The following GLI3 variants were observed in gnomAD, a reference collection of about 807,000 sequenced individuals.
GLI3 encodes the protein GLI family zinc finger 3, also known as transcription activator GLI3.
A neutral mutation model predicts 100.8 loss-of-function variants in GLI3; 20 were observed. That is an observed-to-expected ratio of 0.20 (90% confidence interval 0.14 to 0.29). The LOEUF (loss-of-function observed/expected upper bound fraction) is 0.29. Ranked by LOEUF, GLI3 falls within the 10% of genes least tolerant of loss-of-function variation. The probability of loss-of-function intolerance (pLI) is 1.00; values close to 1 mark genes in which losing one functional copy is unlikely to be tolerated. For missense variants in GLI3, 2,040 were observed against 2,128.5 expected (o/e 0.96, Z 0.82); for synonymous variants, 938 against 860.5 (o/e 1.09, Z -1.58).
intron 2 of GLI3, among the ~76,000 whole-genome samples, chr7:42,198,769 CAT>C (rs1487272961): frequency 6.6e-6 from 1 of 151,894 alleles, no homozygotes; most frequent in Non-Finnish European, 1.5e-5. Flanking sequence ...CACACACACA[CAT>C]ACACACACAC....
Position 41,964,454 on chromosome 7 carries a change from G to T in GLI3, c.4619C>A (p.Thr1540Lys), listed in dbSNP as rs748031460. 6 of 1,614,076 alleles carry T rather than the reference G, an allele frequency of 3.7e-6. No individual in the cohort carries two copies. In the African/African-American group the frequency reaches 8.0e-5, roughly 22 times the overall value. ...NLSHSSSRLT[T>K]PRASLPFPAL... Reference sequence around the variant, plus strand: ...TGGGAATGGGAGGGACGCCCGAGGCGTGGTGAGGCGGGAGGAGCTATGGGA... The same window carrying T: ...TGGGAATGGGAGGGACGCCCGAGGCTTGGTGAGGCGGGAGGAGCTATGGGA... Residue 1540 changes from threonine (T) to lysine (K), a missense_variant, in exon 15 of 15, where the codon ACG becomes AAG. By Grantham distance (78) the Thr-to-Lys change is moderately conservative. This residue lies in a region of GLI3 where 1,041 missense variants were observed against 924.0 expected (regional missense o/e 1.13). Coordinates refer to ENST00000395925, the MANE Select transcript of GLI3 (RefSeq NM_000168.6).
chr7:42,175,559 A>G (rs1422281190), intron 2 of GLI3, among the ~76,000 whole-genome samples: 3 of 152,058 alleles, frequency 2.0e-5, no homozygotes, highest in African/African-American at 7.2e-5. Flanking sequence ...CAAAGGTTGC[A>G]GTGAGCTGAG....
chr7:42,122,626 T>A (rs745788811), intron 3 of GLI3, among the ~76,000 whole-genome samples: 4 of 152,186 alleles, frequency 2.6e-5, no homozygotes, highest in Admixed American at 2.6e-4. Flanking sequence ...GAGACTAGAA[T>A]CCTGTCCTTT....
intron 14 of GLI3, among the ~76,000 whole-genome samples, chr7:41,967,351 T>C (rs942244407): frequency 6.6e-6 from 1 of 152,212 alleles, no homozygotes; most frequent in Admixed American, 6.5e-5. Context: ...CTAACAGTTA[T>C]GATTTCACCA....
Position 41,966,710 on chromosome 7 carries a change from G to A in GLI3, c.2432-69C>T. On this transcript the variant is annotated intron_variant, in intron 14 of 14. Transcript: ENST00000395925. The surrounding 1 kb of genome is among the most constrained non-coding windows in gnomAD (Gnocchi z 5.8). ...TTCGAGCATGACTTACACCAGGCAT[G>A]AGCAACCCTTTTCTGTAAAGGGCCA... The A allele has an allele frequency of 6.6e-7, 1 of 1,523,770 alleles. No individual in the cohort carries two copies. Among genetic ancestry groups the A allele is most frequent in the Non-Finnish European group, 9.1e-7 (1 of 1,102,998 alleles). The allele number at this position is 1,523,770 out of a possible 1,614,324, so 94.4% of individuals were successfully genotyped here. A position where few individuals can be genotyped will look rare whatever the true frequency, so the allele number is the denominator to read the frequency against.
intron 2 of GLI3, chr7:42,151,797 G>C (rs1786870881): frequency 6.6e-6 from 1 of 152,052 alleles, no homozygotes; most frequent in South Asian, 2.1e-4. Flanking sequence ...CCTGCCCCCA[G>C]AGAGCTGCCC....
intron 10 of GLI3, among the ~76,000 whole-genome samples, chr7:41,984,915 T>A (rs1442210455): frequency 2.6e-5 from 4 of 152,276 alleles, no homozygotes; most frequent in South Asian, 4.1e-4. Flanking sequence ...CAAATACATA[T>A]GATCTCTCTC....
At chr7:42,160,565 A>C (rs1787109271) in intron 2 of GLI3, among the ~76,000 whole-genome samples, 1 of 152,186 alleles carries the variant, frequency 6.6e-6, no homozygotes, top group Non-Finnish European at 1.5e-5. Flanking sequence ...TTGTGGCATC[A>C]CGTTGGTGCT....
At chr7:42,037,596 A>C (rs866646512) in intron 7 of GLI3, among the ~76,000 whole-genome samples, 57 of 152,184 alleles carry the variant, frequency 3.7e-4, no homozygotes, top group African/African-American at 1.4e-3. Context: ...ATGTGTACTA[A>C]AGAAGGAGAG....
intron 1 of GLI3, among the ~76,000 whole-genome samples, chr7:42,262,313 G>A (rs1789153875): frequency 6.7e-6 from 1 of 149,800 alleles, no homozygotes; most frequent in Admixed American, 6.7e-5. Context: ...AGGCTGGAGT[G>A]CAGAGGTGTA....
At chr7:42,239,796 TC>T (rs1788905760), upstream of GLI3, among the ~76,000 whole-genome samples, 1 of 152,212 alleles carries the variant, frequency 6.6e-6, no homozygotes, top group Non-Finnish European at 1.5e-5. Flanking sequence ...TGTGTCCAAC[TC>T]TGCTTTAATG....
rs561130528 is a variant in GLI3, at chr7:42,243,779, T to C, written c.-43+20215A>G. Among the ~76,000 whole-genome samples the C allele has an allele frequency of 3.9e-5, 6 of 152,338 alleles. No individual in the cohort carries two copies. In the East Asian group the frequency reaches 1.2e-3, roughly 29 times the overall value. ...AGGATGCTTGAGATGTGGAGATTTA[T>C]GTCTGTGCTCTGCCTCACCTGTGAA... On this transcript the variant is annotated intron_variant, in intron 1 of 2. Coordinates refer to the GLI3 transcript ENST00000678978.
chr7:42,080,019 C>A (rs1467001955), intron 3 of GLI3, among the ~76,000 whole-genome samples: 2 of 152,142 alleles, frequency 1.3e-5, no homozygotes, highest in Non-Finnish European at 2.9e-5. Context: ...GTGTACCCAA[C>A]AAGTATAAAA....
chr7:41,978,721 C>G lies in GLI3; in HGVS notation c.1525G>C (p.Glu509Gln), dbSNP rs761808583. The G allele has an allele frequency of 6.2e-7, 1 of 1,613,998 alleles. No individual in the cohort carries two copies. The highest frequency in any genetic ancestry group is 8.5e-7 in the Non-Finnish European group (1 of 1,179,878). The part of the protein sequence containing the change: ...HHINNDHIHG[E>Q]KKEFVCRWLD... ...CACCTGCACACGAACTCCTTCTTCTCTCCATGAATATGGTCGTTATTTATA... is the reference window on the plus strand; with the variant it reads ...CACCTGCACACGAACTCCTTCTTCTGTCCATGAATATGGTCGTTATTTATA... Residue 509 changes from glutamate to glutamine, a missense_variant, in exon 11 of 15, where the codon GAG becomes CAG. Around this residue, in one of 5 missense-constraint regions of GLI3, gnomAD observed 603 missense variants for 690.9 expected, o/e 0.87. Coordinates refer to ENST00000395925, the MANE Select transcript of GLI3 (RefSeq NM_000168.6).
chr7:41,984,410 C>G (rs921485472), intron 10 of GLI3, among the ~76,000 whole-genome samples: 1 of 152,170 alleles, frequency 6.6e-6, no homozygotes, highest in East Asian at 1.9e-4. Flanking sequence ...TCAGTCTCCT[C>G]TCCACCAATT....
chr7:42,073,427 A>G (rs1299265498), intron 4 of GLI3, among the ~76,000 whole-genome samples: 3 of 152,234 alleles, frequency 2.0e-5, no homozygotes, highest in African/African-American at 7.2e-5. Flanking sequence ...CCATGGTTGG[A>G]AAAACAAAGG....
intron 3 of GLI3, among the ~76,000 whole-genome samples, chr7:42,092,831 A>ATTTATT (rs1562725064): frequency 1.4e-3 from 205 of 149,656 alleles, no homozygotes; most frequent in African/African-American, 3.9e-3. Flanking sequence ...ATGTATTTAT[A>ATTTATT]GAGACGGAGT....
chr7:41,992,858 A>G (rs751812788), intron 10 of GLI3, among the ~76,000 whole-genome samples: 2 of 152,174 alleles, frequency 1.3e-5, no homozygotes, highest in African/African-American at 2.4e-5. Flanking sequence ...AAGACAGAAA[A>G]TGTCTAGCAA....
chr7:42,129,456 C>A (rs1335582712), intron 3 of GLI3, among the ~76,000 whole-genome samples: 1 of 152,202 alleles, frequency 6.6e-6, no homozygotes, highest in African/African-American at 2.4e-5. Flanking sequence ...CGTAGAGAAG[C>A]AGCAGCCTGA....
Sources: allele counts gnomAD v4.1 joint callset (sites outside exome capture counted in the v4.1 genomes callset), GRCh38; gene constraint gnomAD v4.1.1; regional missense constraint gnomAD v4.1.1; non-coding constraint Gnocchi (gnomAD v3.1); transcripts MANE v1.5; gene names NCBI Gene and HGNC (gene_info 2026-07-23, HGNC 2026-07-21).